The following ECE1 variants were observed in gnomAD, a reference collection of about 807,000 sequenced individuals.
ECE1 encodes endothelin converting enzyme 1.
Under a neutral mutation model 98.6 loss-of-function variants are expected in ECE1, and 35 were observed. The observed-to-expected ratio is 0.35, with a 90% CI of 0.27 to 0.47. ECE1 has a LOEUF of 0.47. Ranked by LOEUF, ECE1 falls within the 20% of genes least tolerant of loss-of-function variation. The pLI, the probability that ECE1 is intolerant of heterozygous loss-of-function variation, is 1.00. For synonymous variants in ECE1, 394 were observed against 407.1 expected (o/e 0.97, Z 0.39); for missense variants, 814 against 1,025.3 (o/e 0.79, Z 2.81).
In ECE1 at chr1:21,219,946, G is replaced by T; in HGVS notation, c.*9C>A. 1 of 1,614,082 alleles carries T rather than the reference G, an allele frequency of 6.2e-7. No individual in the cohort carries two copies. Among genetic ancestry groups the T allele is most frequent in the Non-Finnish European group, 8.5e-7 (1 of 1,180,014 alleles). Reference sequence around the variant, plus strand: ...CCCCTCCTCCGTCTTGGCTCTCTCCGCTTCGTCCTTACCAGACTTCGCACT... The same window carrying T: ...CCCCTCCTCCGTCTTGGCTCTCTCCTCTTCGTCCTTACCAGACTTCGCACT... On this transcript the variant is annotated 3_prime_UTR_variant, in exon 19 of 19. Transcript: ENST00000374893. This position sits in a 1 kb window ranked among gnomAD's most constrained non-coding sequence, Gnocchi z 4.5.
chr1:21,296,890 G>T (rs1329316794), intron 1 of ECE1, among the ~76,000 whole-genome samples: 1 of 152,204 alleles, frequency 6.6e-6, no homozygotes, highest in African/African-American at 2.4e-5. Context: ...ACTCCCCTTT[G>T]TACCAAGGGC....
At chr1:21,256,530 C>G (rs897057445) in intron 7 of ECE1, among the ~76,000 whole-genome samples, 3 of 151,708 alleles carry the variant, frequency 2.0e-5, no homozygotes, top group East Asian at 3.9e-4. Flanking sequence ...GGCACTCTAG[C>G]CTGGGCGGCA....
chr1:21,276,684 C>CTTTT (rs1163785168), intron 3 of ECE1, among the ~76,000 whole-genome samples: 9 of 124,574 alleles, frequency 7.2e-5, no homozygotes, highest in Non-Finnish European at 1.0e-4. Flanking sequence ...GATTTGCTTT[C>CTTTT]TTTTTTTTTT....
At chr1:21,279,148 G>A (rs762757472) in intron 3 of ECE1, 43 bp downstream of exon 3, 1 of 1,613,938 alleles carries the variant, frequency 6.2e-7, no homozygotes, top group Admixed American at 1.7e-5. Flanking sequence ...GGAGCCGGGT[G>A]CAGGAGTGAG....
intron 1 of ECE1, among the ~76,000 whole-genome samples, chr1:21,342,846 C>A (rs1007498856): frequency 6.6e-6 from 1 of 152,190 alleles, no homozygotes; most frequent in African/African-American, 2.4e-5. Context: ...ATGACAGGAG[C>A]CAGGGAGGCC....
intron 2 of ECE1, among the ~76,000 whole-genome samples, chr1:21,284,366 T>G (rs2098258305): frequency 6.6e-6 from 1 of 152,224 alleles, no homozygotes; most frequent in South Asian, 2.1e-4. Context: ...GCAGCGCTGA[T>G]GCCTGGAAGA....
At chr1:21,314,010 T>C (rs1364345855) in intron 1 of ECE1, among the ~76,000 whole-genome samples, 1 of 152,110 alleles carries the variant, frequency 6.6e-6, no homozygotes. Context: ...TGCTAAACGG[T>C]AACACCAACG....
chr1:21,249,866 C>T lies in ECE1; in HGVS notation c.1021-2503G>A, dbSNP rs567119444. 5.3e-4 allele frequency among the ~76,000 whole-genome samples: 80 copies of T among 152,048 alleles called. No homozygotes were observed. The South Asian group carries it at 5.8e-3, about 11-fold the overall frequency. On this transcript the variant is annotated intron_variant, in intron 8 of 18. Coordinates refer to ENST00000374893, the MANE Select transcript of ECE1 (RefSeq NM_001397.3). ...TCAGCTCATTGCAACCTCCGCCTCC[C>T]GGGTTCAAGTGATTCTCCTGTCCCA...
intron 17 of ECE1, among the ~76,000 whole-genome samples, chr1:21,223,560 G>A (rs890801914): frequency 6.6e-6 from 1 of 152,152 alleles, no homozygotes; most frequent in African/African-American, 2.4e-5. Context: ...TCCACCTTCC[G>A]GGTTCAAGCA....
At chr1:21,250,234 G>C (rs1029553429) in intron 8 of ECE1, among the ~76,000 whole-genome samples, 1 of 152,144 alleles carries the variant, frequency 6.6e-6, no homozygotes, top group Non-Finnish European at 1.5e-5. Context: ...GGCAGTATTT[G>C]TCCTTTTGTG....
At chr1:21,333,201 G>A (rs1030816936) in intron 1 of ECE1, among the ~76,000 whole-genome samples, 9 of 152,120 alleles carry the variant, frequency 5.9e-5, no homozygotes, top group South Asian at 2.1e-4. Context: ...TTGGTGGTGC[G>A]TGGTAGGGAT....
chr1:21,245,745 G>A (rs2098202558), intron 9 of ECE1, among the ~76,000 whole-genome samples: 1 of 152,184 alleles, frequency 6.6e-6, no homozygotes, highest in Non-Finnish European at 1.5e-5. Flanking sequence ...GGAGTACTAT[G>A]CAACCATGAA....
intron 1 of ECE1, chr1:21,298,870 G>A (rs1035187876): frequency 2.2e-6 from 1 of 456,180 alleles, no homozygotes; most frequent in Non-Finnish European, 4.4e-6. Flanking sequence ...TTAAGGGGCT[G>A]AGTTGTCCAC....
chr1:21,277,384 A>T (rs573317587), intron 3 of ECE1, among the ~76,000 whole-genome samples: 77 of 152,352 alleles, frequency 5.1e-4, no homozygotes, highest in South Asian at 3.9e-3. Flanking sequence ...GGGCAGTCTC[A>T]GGGTAACACT....
intron 1 of ECE1, among the ~76,000 whole-genome samples, chr1:21,334,855 C>G (rs531586604): frequency 6.6e-6 from 1 of 152,266 alleles, no homozygotes; most frequent in East Asian, 1.9e-4. Flanking sequence ...TCAGGACAGA[C>G]GAATATCCTG....
chr1:21,342,019 C>T (rs1424918059), intron 1 of ECE1, among the ~76,000 whole-genome samples: 1 of 152,086 alleles, frequency 6.6e-6, no homozygotes, highest in Non-Finnish European at 1.5e-5. Context: ...AGCAAATCTG[C>T]CCCACTTTGT....
chr1:21,238,696 C>T (rs992048651), intron 10 of ECE1, among the ~76,000 whole-genome samples: 2 of 152,178 alleles, frequency 1.3e-5, no homozygotes, highest in East Asian at 1.9e-4. Flanking sequence ...AGGCAAAGAG[C>T]GGTGGAGAGT....
At chr1:21,236,646 C>T (rs1272714880) in intron 12 of ECE1, 100 bp downstream of exon 12, 2 of 1,186,480 alleles carry the variant, frequency 1.7e-6, no homozygotes, top group Admixed American at 1.7e-5. Context: ...CGAAACTCTG[C>T]CTCAAAAAAC....
chr1:21,238,427 C>A (rs2098191200), intron 10 of ECE1, 183 bp from the exon 11 acceptor site: 3 of 646,446 alleles, frequency 4.6e-6, no homozygotes, highest in Non-Finnish European at 5.6e-6. Context: ...TCACTCCCAC[C>A]CCCTGCCATT....
Sources: gnomAD v4.1 joint callset for allele counts (sites outside exome capture counted in the v4.1 genomes callset) on GRCh38, gnomAD v4.1.1 for gene constraint, Gnocchi (gnomAD v3.1) non-coding constraint, MANE v1.5 for transcripts, NCBI Gene and HGNC (gene_info 2026-07-23, HGNC 2026-07-21) for gene names.